The following AFF3 variants were observed in gnomAD, a reference collection of about 807,000 sequenced individuals.
The protein encoded by AFF3 is AF4/FMR2 family member 3.
A neutral mutation model predicts 129.7 loss-of-function variants in AFF3; 32 were observed. That is an observed-to-expected ratio of 0.25 (90% confidence interval 0.19 to 0.33). The LOEUF is 0.33. AFF3 is among the 10% of genes least tolerant of loss of function. The pLI, the probability that AFF3 is intolerant of heterozygous loss-of-function variation, is 1.00. For synonymous variants in AFF3, 644 were observed against 635.4 expected (o/e 1.01, Z -0.20); for missense variants, 1,373 against 1,592.0 (o/e 0.86, Z 2.34).
intron 24 of AFF3, among the ~76,000 whole-genome samples, chr2:99,554,007 C>T (rs1454605022): frequency 1.3e-5 from 2 of 149,808 alleles, no homozygotes; most frequent in African/African-American, 2.5e-5. Context: ...GATATTTACA[C>T]CAACATTATT....
chr2:99,586,890 G>A (rs527280507), intron 16 of AFF3, among the ~76,000 whole-genome samples: 1 of 152,202 alleles, frequency 6.6e-6, no homozygotes, highest in Admixed American at 6.5e-5. Flanking sequence ...TTGGGGGAAG[G>A]GCATGTCTTG....
chr2:99,848,493 T>C (rs760688890), intron 7 of AFF3, among the ~76,000 whole-genome samples: 5 of 152,152 alleles, frequency 3.3e-5, no homozygotes, highest in Non-Finnish European at 7.3e-5. Flanking sequence ...AAGAGAATAT[T>C]AGAGTATAGA....
At chr2:99,827,111 C>T (rs1204605158) in intron 8 of AFF3, among the ~76,000 whole-genome samples, 2 of 152,122 alleles carry the variant, frequency 1.3e-5, no homozygotes, top group East Asian at 3.9e-4. Flanking sequence ...GTGCAGGTGT[C>T]CATGACACAT....
chr2:100,140,407 G>A (rs1487688082), intron 1 of AFF3, among the ~76,000 whole-genome samples: 2 of 152,110 alleles, frequency 1.3e-5, no homozygotes, highest in Non-Finnish European at 1.5e-5. Context: ...GAAACTGGAC[G>A]TCCTCACTGG....
chr2:99,593,371 T>C lies in AFF3; in HGVS notation c.2290A>G (p.Arg764Gly), dbSNP rs1487555108. Residue 764 changes from arginine (R) to glycine (G), a missense_variant, in exon 15 of 25, where the codon AGG (arginine) becomes GGG (glycine). Transcript: ENST00000672756. ...AGGTCGATTTTGACCCAGAGAGACC[T>C]GATCTCATCACTGTCCTTTAGAGGG... is the stretch of plus-strand genomic sequence containing the variant. The part of the protein sequence containing the change: ...LSPLKDSDEI[R>G]SLWVKIDLTL... The C allele has an allele frequency of 6.2e-7, 1 of 1,614,064 alleles. No individual in the cohort carries two copies. The highest frequency in any genetic ancestry group is 1.7e-5 in the Admixed American group (1 of 60,016).
intron 7 of AFF3, among the ~76,000 whole-genome samples, chr2:99,867,555 C>T (rs985952509): frequency 7.2e-6 from 1 of 139,482 alleles, no homozygotes; most frequent in African/African-American, 2.7e-5. Flanking sequence ...CACAGTCTCC[C>T]CAAGGCCTAT....
intron 7 of AFF3, among the ~76,000 whole-genome samples, chr2:99,864,093 T>C (rs758186570): frequency 7.9e-5 from 12 of 152,226 alleles, no homozygotes; most frequent in Admixed American, 2.6e-4. Flanking sequence ...TTAGATGAGC[T>C]GCTTACTAAT....
chr2:99,949,868 G>T lies in AFF3; in HGVS notation c.873+56764C>A, dbSNP rs1389792522. Among the ~76,000 whole-genome samples, 4 of 152,162 alleles carry T rather than the reference G, an allele frequency of 2.6e-5. No homozygotes were observed. The South Asian group carries it at 6.2e-4, about 24-fold the overall frequency. On this transcript the variant is annotated intron_variant, in intron 7 of 24. Transcript: ENST00000672756. ...CTCTTGCTCTAAAGGCAGAAGAAAA[G>T]ATAAACTTTAGGGAAATATGTGGAT...
chr2:99,631,023 C>G, intron 13 of AFF3: 2 of 461,744 alleles, frequency 4.3e-6, no homozygotes, highest in South Asian at 3.2e-5. Context: ...AGGCTGAAGA[C>G]AGGGAAACAC....
intron 4 of AFF3, among the ~76,000 whole-genome samples, chr2:100,068,935 A>G (rs1037925547): frequency 3.9e-5 from 6 of 152,116 alleles, no homozygotes; most frequent in Admixed American, 2.6e-4. Context: ...TTTTCTCCTT[A>G]GATGGTAACC....
At chr2:99,874,893 T>G (rs1692168575) in intron 7 of AFF3, among the ~76,000 whole-genome samples, 1 of 152,008 alleles carries the variant, frequency 6.6e-6, no homozygotes, top group African/African-American at 2.4e-5. Flanking sequence ...CAAAAATGAT[T>G]AGGAAAAAAA....
intron 4 of AFF3, among the ~76,000 whole-genome samples, chr2:100,042,194 G>A (rs1351275040): frequency 6.6e-6 from 1 of 152,086 alleles, no homozygotes; most frequent in Admixed American, 6.5e-5. Flanking sequence ...TGTTTGAAAG[G>A]CTTTCTCCCG....
chr2:99,578,421 G>C lies in AFF3; in HGVS notation c.2824C>G (p.Pro942Ala). The change falls in exon 18 of 25, where the codon CCC becomes GCC. Residue 942 changes from proline (P) to alanine (A), a missense_variant. This residue lies in a region of AFF3 where 466 missense variants were observed against 505.0 expected (regional missense o/e 0.92). Transcript: ENST00000672756. ...KAAHNNSENI[P>A]LHKSRPQTKP... The stretch of plus-strand genomic sequence containing the variant: ...GTCTGCGGCCGTGACTTGTGGAGGG[G>C]AATGTTTTCAGAATTGTTGTGAGCT... 6.2e-7 allele frequency: 1 copy of C among 1,611,298 alleles called. No homozygotes were observed. The highest frequency in any genetic ancestry group is 1.3e-5 in the African/African-American group (1 of 74,958).
intron 8 of AFF3, among the ~76,000 whole-genome samples, chr2:99,780,919 C>G (rs975773503): frequency 6.6e-6 from 1 of 152,144 alleles, no homozygotes; most frequent in East Asian, 1.9e-4. Flanking sequence ...CCCTGACAAG[C>G]CTCTTCTCCC....
chr2:99,683,929 C>T (rs1674781157), intron 11 of AFF3, among the ~76,000 whole-genome samples: 1 of 152,144 alleles, frequency 6.6e-6, no homozygotes. Flanking sequence ...GTCAGACAAT[C>T]CCGGCCCTTT....
At chr2:99,975,669 T>C (rs374400387) in intron 7 of AFF3, among the ~76,000 whole-genome samples, 3 of 151,546 alleles carry the variant, frequency 2.0e-5, no homozygotes, top group African/African-American at 7.3e-5. Flanking sequence ...GCAGCTGAGA[T>C]GGGGTGAGTA....
chr2:99,640,113 G>A (rs1684053228), intron 13 of AFF3, among the ~76,000 whole-genome samples: 2 of 152,130 alleles, frequency 1.3e-5, no homozygotes, highest in South Asian at 2.1e-4. Flanking sequence ...GAGAAAACAG[G>A]CTCTAGTAAA....
chr2:100,130,024 A>G (rs1692359817), intron 1 of AFF3, among the ~76,000 whole-genome samples: 1 of 152,170 alleles, frequency 6.6e-6, no homozygotes, highest in Non-Finnish European at 1.5e-5. Flanking sequence ...TTGTGCATGA[A>G]AAGGAGGCAT....
Position 99,649,667 on chromosome 2 carries a change from C to T in AFF3, c.1144-1G>A, listed in dbSNP as rs759742406. ...GGAGAGCCGTTCTCTGAGCTGCCTGCTGGAAGAAAGAAAGGGCAGAGATGT... is the reference window on the plus strand; with the variant it reads ...GGAGAGCCGTTCTCTGAGCTGCCTGTTGGAAGAAAGAAAGGGCAGAGATGT... On this transcript the variant is annotated splice_acceptor_variant, in intron 12 of 24. Transcript: ENST00000672756. LOFTEE classifies it high-confidence loss of function. 19 of 1,613,946 alleles carry T rather than the reference C, an allele frequency of 1.2e-5. 1 individual carries two copies. In the South Asian group the frequency reaches 2.0e-4, roughly 17 times the overall value.
Sources: gnomAD v4.1 joint callset for allele counts (sites outside exome capture counted in the v4.1 genomes callset) on GRCh38, gnomAD v4.1.1 for gene constraint, gnomAD v4.1.1 regional missense constraint, MANE v1.5 for transcripts, NCBI Gene and HGNC (gene_info 2026-07-23, HGNC 2026-07-21) for gene names.